KIT: variants seen among roughly 807,000 people sequenced by gnomAD.
The protein encoded by KIT is KIT proto-oncogene, receptor tyrosine kinase.
KIT carries 16 observed loss-of-function variants against 105.7 expected under a neutral mutation model. That is an observed-to-expected ratio of 0.15 (90% CI 0.10 to 0.23). The LOEUF (loss-of-function observed/expected upper bound fraction) is 0.23, where lower values mean the gene tolerates loss of function less well. KIT is among the 10% of genes least tolerant of loss of function. KIT has a pLI of 1.00. For missense variants in KIT, 858 were observed against 1,213.8 expected, an observed-to-expected ratio of 0.71 and a Z score of 4.36; for synonymous variants, 438 against 441.1, an observed-to-expected ratio of 0.99 and a Z score of 0.09.
intron 7 of KIT, among the ~76,000 whole-genome samples, chr4:54,716,466 T>C (rs867277337): frequency 2.0e-5 from 3 of 152,232 alleles, no homozygotes; most frequent in African/African-American, 7.2e-5. Context: ...ATTTACTTTT[T>C]ATAGGTTACC....
intron 1 of KIT, among the ~76,000 whole-genome samples, chr4:54,669,715 AAAAAAG>A (rs1178858131): frequency 1.6e-4 from 25 of 152,104 alleles, no homozygotes; most frequent in Non-Finnish European, 1.6e-4. Flanking sequence ...GAAAAAAAAA[AAAAAAG>A]AAAGATGTAA....
chr4:54,685,731 A>C (rs1719265953), intron 1 of KIT, among the ~76,000 whole-genome samples: 1 of 152,110 alleles, frequency 6.6e-6, no homozygotes, highest in African/African-American at 2.4e-5. Context: ...ACTCCTAGGC[A>C]CTGACTCCAC....
chr4:54,695,113 G>A (rs1232265703), intron 1 of KIT, among the ~76,000 whole-genome samples: 2 of 152,270 alleles, frequency 1.3e-5, no homozygotes, highest in East Asian at 1.9e-4. Flanking sequence ...AGAGTGACAG[G>A]CCAGTAGTTT....
chr4:54,708,335 G>A (rs1016795603), intron 6 of KIT, among the ~76,000 whole-genome samples: 6 of 152,146 alleles, frequency 3.9e-5, no homozygotes, highest in Non-Finnish European at 7.4e-5. Context: ...GGATTCTGAG[G>A]CAAGTGACTT....
At chr4:54,663,022 A>G (rs1717406333) in intron 1 of KIT, among the ~76,000 whole-genome samples, 1 of 102,112 alleles carries the variant, frequency 9.8e-6, no homozygotes, top group Non-Finnish European at 2.1e-5. Context: ...ATCTTGTAAG[A>G]TTCTCCAACA....
chr4:54,666,401 T>A (rs1333050971), intron 1 of KIT, among the ~76,000 whole-genome samples: 1 of 152,074 alleles, frequency 6.6e-6, no homozygotes, highest in East Asian at 1.9e-4. Flanking sequence ...TGCCTCAGCC[T>A]CCCGAGTAGC....
intron 17 of KIT, among the ~76,000 whole-genome samples, chr4:54,734,955 G>T (rs1308878133): frequency 1.3e-5 from 2 of 152,102 alleles, no homozygotes; most frequent in African/African-American, 4.8e-5. Context: ...GAGTGTAACA[G>T]GCTCTGTTAG....
intron 1 of KIT, among the ~76,000 whole-genome samples, chr4:54,671,867 C>G (rs1286211469): frequency 1.3e-5 from 2 of 152,106 alleles, no homozygotes; most frequent in African/African-American, 4.8e-5. Context: ...CGGCCTCTAC[C>G]CACTTTATCT....
intron 1 of KIT, among the ~76,000 whole-genome samples, chr4:54,672,463 C>T (rs1320071440): frequency 6.6e-6 from 1 of 151,986 alleles, no homozygotes; most frequent in East Asian, 1.9e-4. Context: ...TTCTATAATA[C>T]CCTTGTCTGC....
Position 54,726,064 on chromosome 4 carries a change from T to G in KIT, c.1540+14T>G, listed in dbSNP as rs2109770011. On this transcript the variant is annotated intron_variant, in intron 9 of 20. Coordinates refer to ENST00000288135, the MANE Select transcript of KIT (RefSeq NM_000222.3). ...GTAACAACAAAGGTATATTTCTTTT[T>G]AATCCAATTTAAGGGGATGTTTAGG... The G allele has an allele frequency of 6.2e-7, 1 of 1,602,664 alleles. No individual in the cohort carries two copies. Among genetic ancestry groups the G allele is most frequent in the Non-Finnish European group, 8.5e-7 (1 of 1,169,654 alleles).
chr4:54,695,803 G>T lies in KIT; in HGVS notation c.337+22G>T, dbSNP rs773860127. 1.3e-5 allele frequency: 21 copies of T among 1,613,968 alleles called. No homozygotes were observed. The African/African-American group carries it at 2.7e-4, about 21-fold the overall frequency. ...AGAGGTAAATGCTTGGCTTTCTGCA[G>T]TGCTGTGCTTTCAAGAATTTAATAT... is the stretch of plus-strand genomic sequence containing the variant. On this transcript the variant is annotated intron_variant, in intron 2 of 20. Coordinates refer to ENST00000288135, the MANE Select transcript of KIT (RefSeq NM_000222.3).
intron 1 of KIT, among the ~76,000 whole-genome samples, chr4:54,662,156 T>C (rs1717325236): frequency 6.6e-6 from 1 of 152,144 alleles, no homozygotes. Context: ...TAGGGCTTTA[T>C]CCTGCCATCC....
chr4:54,658,229 C>T, intron 1 of KIT, 148 bp downstream of exon 1: 1 of 791,520 alleles, frequency 1.3e-6, no homozygotes, highest in Non-Finnish European at 2.1e-6. Flanking sequence ...CTCCAGGTGG[C>T]CCTCGGACTC....
At position 54,740,314 on chromosome 4, in the gene KIT, T is replaced by C. The variant is rs543627061; in HGVS notation, c.*1757T>C. 1.3e-5 allele frequency: 3 copies of C among 233,584 alleles called. No homozygotes were observed. Among genetic ancestry groups the C allele is most frequent in the Middle Eastern group, 1.3e-3 (1 of 784 alleles). 14.5% of individuals were successfully genotyped at this position (233,584 alleles called of 1,614,324 possible). A position where few individuals can be genotyped will look rare whatever the true frequency, so the allele number is the denominator to read the frequency against. ...CCATACTTTGTCTGAAAAATTCCTT[T>C]GTGTTTCTATTGACTTCAATGATAG... On this transcript the variant is annotated 3_prime_UTR_variant, in exon 21 of 21. Transcript: ENST00000288135.
chr4:54,676,202 T>C (rs1204624429), intron 1 of KIT, among the ~76,000 whole-genome samples: 1 of 152,128 alleles, frequency 6.6e-6, no homozygotes, highest in African/African-American at 2.4e-5. Context: ...AGCATCAGGA[T>C]CACCTGGGAC....
intron 7 of KIT, among the ~76,000 whole-genome samples, chr4:54,717,349 C>T (rs1310919706): frequency 6.6e-6 from 1 of 152,160 alleles, no homozygotes; most frequent in Non-Finnish European, 1.5e-5. Flanking sequence ...GAAAGTTGGT[C>T]TGGTGGATGT....
intron 1 of KIT, among the ~76,000 whole-genome samples, chr4:54,690,376 C>T (rs577469867): frequency 2.6e-5 from 4 of 152,250 alleles, no homozygotes; most frequent in East Asian, 3.9e-4. Context: ...CGTAAGTGTC[C>T]GCTTCCTCCT....
At chr4:54,722,404 A>G (rs1264803360) in intron 7 of KIT, among the ~76,000 whole-genome samples, 3 of 152,146 alleles carry the variant, frequency 2.0e-5, no homozygotes, top group Non-Finnish European at 4.4e-5. Context: ...TATTATTCCC[A>G]TTTTACACAT....
chr4:54,694,248 C>T (rs981063442), intron 1 of KIT, among the ~76,000 whole-genome samples: 9 of 152,092 alleles, frequency 5.9e-5, no homozygotes, highest in African/African-American at 2.2e-4. Context: ...ATCTTCTCCT[C>T]CTCCTCCTCC....
Sources: allele counts gnomAD v4.1 joint callset (sites outside exome capture counted in the v4.1 genomes callset), GRCh38; gene constraint gnomAD v4.1.1; transcripts MANE v1.5; gene names NCBI Gene and HGNC (gene_info 2026-07-23, HGNC 2026-07-21).